ADGRD1: variants seen among roughly 807,000 people sequenced by gnomAD.
ADGRD1 encodes the protein adhesion G protein-coupled receptor D1, also known as G-protein coupled receptor 133.
A neutral mutation model predicts 113.4 loss-of-function variants in ADGRD1; 77 were observed. The observed-to-expected ratio is 0.68, with a 90% CI of 0.57 to 0.82. The LOEUF (loss-of-function observed/expected upper bound fraction) is 0.82, where lower values mean the gene tolerates loss of function less well. Ranked by LOEUF, ADGRD1 falls within the 40% of genes least tolerant of loss-of-function variation. The pLI, the probability that ADGRD1 is intolerant of heterozygous loss-of-function variation, is 0.00. For missense variants in ADGRD1, 1,036 were observed against 1,139.1 expected, an observed-to-expected ratio of 0.91 and a Z score of 1.30; for synonymous variants, 474 against 475.0, an observed-to-expected ratio of 1.00 and a Z score of 0.03.
rs577766669 is a variant in ADGRD1 at position 131,060,231 on chromosome 12, C to T, written c.1474-16570C>T. 4.6e-5 allele frequency among the ~76,000 whole-genome samples: 7 copies of T among 152,346 alleles called. No homozygotes were observed. The highest frequency in any genetic ancestry group is 1.9e-4 in the East Asian group (1 of 5,182). On this transcript the variant is annotated intron_variant, in intron 13 of 24. Transcript: ENST00000261654. The surrounding 1 kb of genome is among the most constrained non-coding windows in gnomAD (Gnocchi z 4.4). ...CCAGTGCCACCTCCCTGGGGATGCT[C>T]GGGGCATCCGCCACAGCCCTGATAC...
At chr12:130,990,659 T>C in intron 6 of ADGRD1, 1 of 199,754 alleles carries the variant, frequency 5.0e-6, no homozygotes, top group Non-Finnish European at 1.0e-5. Flanking sequence ...ACTCCTCATT[T>C]TATCTCCAAC....
At chr12:131,077,825 A>C (rs1860602372) in intron 14 of ADGRD1, among the ~76,000 whole-genome samples, 1 of 151,466 alleles carries the variant, frequency 6.6e-6, no homozygotes, top group Admixed American at 6.6e-5. Flanking sequence ...GTAGTCTGAA[A>C]CTCCTGGGCT....
chr12:131,005,544 G>T (rs1566021790), intron 11 of ADGRD1, among the ~76,000 whole-genome samples: 1 of 152,100 alleles, frequency 6.6e-6, no homozygotes, highest in Non-Finnish European at 1.5e-5. Flanking sequence ...TCCTCTGCGT[G>T]TGGAGGGCAG....
intron 12 of ADGRD1, among the ~76,000 whole-genome samples, chr12:131,009,191 T>C (rs1200426771): frequency 6.6e-6 from 1 of 152,230 alleles, no homozygotes; most frequent in East Asian, 1.9e-4. Context: ...TCTCTTGCTG[T>C]CACGTCATGG....
intron 15 of ADGRD1, among the ~76,000 whole-genome samples, chr12:131,087,079 AT>A (rs1426830987): frequency 6.6e-6 from 1 of 151,664 alleles, no homozygotes; most frequent in African/African-American, 2.4e-5. Context: ...CTAATTTTAA[AT>A]TTTTTCGTAG....
chr12:130,977,597 C>T (rs1478781161), intron 4 of ADGRD1: 1 of 152,360 alleles, frequency 6.6e-6, no homozygotes, highest in Non-Finnish European at 1.5e-5. Context: ...CTGCCTTGCT[C>T]CAGCTCTGTT....
At position 130,992,230 on chromosome 12, in the gene ADGRD1, C is replaced by CT. The variant is rs1874503586; in HGVS notation, c.811-4dup. On this transcript the variant is annotated splice_region_variant and splice_polypyrimidine_tract_variant and intron_variant, in intron 7 of 24. Coordinates refer to ENST00000261654, the MANE Select transcript of ADGRD1 (RefSeq NM_198827.5). ...TAGTAGAAACTCATGTTGCCAATTT[C>CT]TTTCAGATGCCCACAGATGCCTACC... is the stretch of plus-strand genomic sequence containing the variant. 1.2e-6 allele frequency: 2 copies of CT among 1,604,180 alleles called. No homozygotes were observed.
chr12:131,125,955 G>A (rs999954353), intron 20 of ADGRD1, among the ~76,000 whole-genome samples: 15 of 152,192 alleles, frequency 9.9e-5, no homozygotes, highest in African/African-American at 2.9e-4. Context: ...GTACTGACAT[G>A]TCTTGCTTTC....
chr12:130,983,972 A>T (rs1873327625), intron 5 of ADGRD1, among the ~76,000 whole-genome samples: 1 of 152,184 alleles, frequency 6.6e-6, no homozygotes, highest in Admixed American at 6.5e-5. Context: ...CAGAGAGAAG[A>T]GTAACACAAA....
At position 131,075,132 on chromosome 12, in the gene ADGRD1, G is replaced by A. The variant is rs906584565; in HGVS notation, c.1474-1669G>A. 1.3e-5 allele frequency among the ~76,000 whole-genome samples: 2 copies of A among 152,130 alleles called. No individual in the cohort carries two copies. The highest frequency in any genetic ancestry group is 2.4e-5 in the African/African-American group (1 of 41,432). On this transcript the variant is annotated intron_variant, in intron 13 of 24. Coordinates refer to ENST00000261654, the MANE Select transcript of ADGRD1 (RefSeq NM_198827.5). This position sits in a 1 kb window ranked among gnomAD's most constrained non-coding sequence, Gnocchi z 5.3. The stretch of plus-strand genomic sequence containing the variant: ...TGGCTGCTGGCTTCCCCAGGTCACC[G>A]ACTTATTTTTTAAATTTCCTTTAAA...
intron 13 of ADGRD1, among the ~76,000 whole-genome samples, chr12:131,015,539 GA>G (rs2136823778): frequency 6.6e-6 from 1 of 151,950 alleles, no homozygotes; most frequent in South Asian, 2.1e-4. Context: ...TGGAGATGGA[GA>G]GGGGACTGGA....
intron 2 of ADGRD1, chr12:130,962,898 T>A (rs1363976134): frequency 6.6e-6 from 1 of 152,216 alleles, no homozygotes; most frequent in Non-Finnish European, 1.5e-5. Flanking sequence ...GGGCGCCCTG[T>A]GAACAAAAAT....
chr12:131,131,419 A>C (rs888765484), intron 20 of ADGRD1, among the ~76,000 whole-genome samples: 1 of 152,180 alleles, frequency 6.6e-6, no homozygotes, highest in Non-Finnish European at 1.5e-5. Flanking sequence ...GGGTCACACT[A>C]ACGAAGCAAA....
chr12:131,099,436 A>G (rs935479090), intron 15 of ADGRD1, among the ~76,000 whole-genome samples: 4 of 152,246 alleles, frequency 2.6e-5, no homozygotes, highest in Non-Finnish European at 5.9e-5. Context: ...AAGTCCCTGT[A>G]GTAAAGAGAA....
chr12:131,059,262 C>A (rs181395971), intron 13 of ADGRD1, among the ~76,000 whole-genome samples: 1 of 152,068 alleles, frequency 6.6e-6, no homozygotes, highest in South Asian at 2.1e-4. Flanking sequence ...TGCAGCCAGC[C>A]CCCCAGGTTC....
chr12:131,119,057 C>T (rs1950530246), intron 19 of ADGRD1, among the ~76,000 whole-genome samples: 1 of 152,164 alleles, frequency 6.6e-6, no homozygotes, highest in African/African-American at 2.4e-5. Flanking sequence ...CAGCTGTTCA[C>T]GTTCCAGAAA....
At position 131,016,498 on chromosome 12, in the gene ADGRD1, AGCCTATGTTTGGAAATGTGGCT is replaced by A. The variant is rs1234823442; in HGVS notation, c.1473+2161_1473+2182del. 3.9e-5 allele frequency among the ~76,000 whole-genome samples: 6 copies of A among 152,358 alleles called. No individual in the cohort carries two copies. The East Asian group carries it at 9.6e-4, about 24-fold the overall frequency. On this transcript the variant is annotated intron_variant, in intron 13 of 24. Coordinates refer to ENST00000261654, the MANE Select transcript of ADGRD1 (RefSeq NM_198827.5). ...CAGTGAGGGTGCACTCCACAGGCTCAGCCTATGTTTGGAAATGTGGCTGCGACATGCAGCAGAGACACTTGGA... is the reference window on the plus strand; with the variant it reads ...CAGTGAGGGTGCACTCCACAGGCTCAGCGACATGCAGCAGAGACACTTGGA...
In ADGRD1 at chr12:131,096,302, A is replaced by G. The variant is rs1887277405; in HGVS notation, c.1672-8529A>G. Among the ~76,000 whole-genome samples, 1 of 152,218 alleles carries G rather than the reference A, an allele frequency of 6.6e-6. No individual in the cohort carries two copies. Among genetic ancestry groups the G allele is most frequent in the African/African-American group, 2.4e-5 (1 of 41,450 alleles). ...GCACGCTGTGGTCCAGGCTGGAGTCAGTGGCGCCACCTTGGCTCACTGCAG... is the reference window on the plus strand; with the variant it reads ...GCACGCTGTGGTCCAGGCTGGAGTCGGTGGCGCCACCTTGGCTCACTGCAG... On this transcript the variant is annotated intron_variant, in intron 15 of 24. Coordinates refer to ENST00000261654, the MANE Select transcript of ADGRD1 (RefSeq NM_198827.5). This position sits in a 1 kb window ranked among gnomAD's most constrained non-coding sequence, Gnocchi z 5.2.
At chr12:130,955,996 C>T (rs993764936) in intron 2 of ADGRD1, among the ~76,000 whole-genome samples, 1 of 152,198 alleles carries the variant, frequency 6.6e-6, no homozygotes, top group Non-Finnish European at 1.5e-5. Context: ...GCCATGTTGG[C>T]CAGGCTGGTC....
Sources: allele counts gnomAD v4.1 joint callset (sites outside exome capture counted in the v4.1 genomes callset), GRCh38; gene constraint gnomAD v4.1.1; non-coding constraint Gnocchi (gnomAD v3.1); transcripts MANE v1.5; gene names NCBI Gene and HGNC (gene_info 2026-07-23, HGNC 2026-07-21).